L3MBTL1: variants seen among roughly 807,000 people sequenced by gnomAD.
L3MBTL1 encodes the protein lethal(3)malignant brain tumor-like protein 1.
A neutral mutation model predicts 105.3 loss-of-function variants in L3MBTL1; 75 were observed. The observed-to-expected ratio is 0.71, with a 90% CI of 0.59 to 0.86. The LOEUF is 0.86. L3MBTL1 is among the 40% of genes least tolerant of loss of function. The pLI is 0.00. For missense variants in L3MBTL1, 1,069 were observed against 1,126.4 expected (o/e 0.95, Z 0.73); for synonymous variants, 452 against 436.2 (o/e 1.04, Z -0.45).
chr20:43,528,903 G>A, intron 8 of L3MBTL1, 158 bp downstream of exon 8: 1 of 651,736 alleles, frequency 1.5e-6, no homozygotes, highest in Non-Finnish European at 2.7e-6. Context: ...GTGGAAAAGG[G>A]CCCCCCATAA....
chr20:43,534,243 T>A (rs776428408), intron 14 of L3MBTL1, 41 bp from the exon 15 acceptor site: 1 of 1,584,188 alleles, frequency 6.3e-7, no homozygotes, highest in African/African-American at 1.3e-5. Flanking sequence ...TCAGCTCTGC[T>A]GAGCTGCGCC....
chr20:43,515,259 G>A (rs1271164154), intron 5 of L3MBTL1, 33 bp from the exon 6 acceptor site: 2 of 1,611,912 alleles, frequency 1.2e-6, no homozygotes, highest in South Asian at 2.2e-5. Context: ...TGCAGGGCGG[G>A]TGGTTCTTTC....
chr20:43,526,786 A>G (rs2019056179), intron 7 of L3MBTL1, among the ~76,000 whole-genome samples: 1 of 152,214 alleles, frequency 6.6e-6, no homozygotes. Flanking sequence ...CCCCGTCTCT[A>G]CTAAAGATTT....
At chr20:43,539,998 C>T (rs2019827320) in intron 19 of L3MBTL1, 153 bp from the exon 20 acceptor site, 12 of 786,616 alleles carry the variant, frequency 1.5e-5, no homozygotes, top group South Asian at 3.0e-5. Flanking sequence ...TCAGGAGATA[C>T]GGCTCACCCT....
intron 7 of L3MBTL1, among the ~76,000 whole-genome samples, chr20:43,517,956 A>G (rs2018487761): frequency 1.3e-5 from 2 of 152,236 alleles, no homozygotes; most frequent in Admixed American, 1.3e-4. Flanking sequence ...TCTTTGGTTT[A>G]TGGCCTCTTA....
chr20:43,533,515 T>A, intron 13 of L3MBTL1, 97 bp downstream of exon 13: 1 of 1,024,272 alleles, frequency 9.8e-7, no homozygotes, highest in Non-Finnish European at 1.5e-6. Context: ...GCTGGCTCTC[T>A]AGGGTCAGGG....
chr20:43,534,819 C>G lies in L3MBTL1; in HGVS notation c.1711-9C>G. On this transcript the variant is annotated splice_polypyrimidine_tract_variant and intron_variant, in intron 15 of 21. Transcript: ENST00000418998. ...AAACGCCTGACTTCCAAGAGCCTTT[C>G]CTCCCCAGATCCACTTTGATGGCTG... 6.2e-7 allele frequency: 1 copy of G among 1,600,764 alleles called. No individual in the cohort carries two copies. Among genetic ancestry groups the G allele is most frequent in the South Asian group, 1.1e-5 (1 of 90,692 alleles).
intron 15 of L3MBTL1, 137 bp from the exon 16 acceptor site, chr20:43,534,691 A>T: frequency 1.6e-6 from 1 of 644,838 alleles, no homozygotes; most frequent in Non-Finnish European, 2.7e-6. Flanking sequence ...GCCAAGACAG[A>T]TTATTGCAGG....
intron 7 of L3MBTL1, among the ~76,000 whole-genome samples, chr20:43,518,851 C>CAAAAAAAAAAAAA (rs34529936): frequency 3.0e-5 from 1 of 33,302 alleles, no homozygotes; most frequent in Non-Finnish European, 4.5e-5. Flanking sequence ...ACTAAAAATA[C>CAAAAAAAAAAAAA]AAAAAAAAAA....
At chr20:43,535,244 A>T (rs1178509136) in intron 16 of L3MBTL1, among the ~76,000 whole-genome samples, 2 of 152,152 alleles carry the variant, frequency 1.3e-5, no homozygotes, top group African/African-American at 4.8e-5. Flanking sequence ...CATCTAGCAG[A>T]GCCACACTGA....
chr20:43,515,055 A>G lies in L3MBTL1; in HGVS notation c.549A>G (p.Pro183=), dbSNP rs1374649978. The change falls in exon 5 of 22, where the codon CCA becomes CCG. Residue 183 remains proline (P), a synonymous_variant. Coordinates refer to ENST00000418998, the MANE Select transcript of L3MBTL1 (RefSeq NM_001377303.1). ...NPPEDPNQDP[P]EDDSTCQCQA... ...CAGAAGATCCCAATCAGGACCCCCC[A>G]GAGGATGATAGCACCTGTCAGTGCC... The G allele has an allele frequency of 1.2e-6, 2 of 1,613,980 alleles. No individual in the cohort carries two copies. The highest frequency in any genetic ancestry group is 1.3e-5 in the African/African-American group (1 of 74,930).
At chr20:43,528,627 G>A in intron 7 of L3MBTL1, 30 bp from the exon 8 acceptor site, 1 of 1,560,108 alleles carries the variant, frequency 6.4e-7, no homozygotes, top group South Asian at 1.1e-5. Context: ...GAACAGCCCA[G>A]GAGTTAGCCT....
chr20:43,535,777 G>A lies in L3MBTL1; in HGVS notation c.1826-60G>A, dbSNP rs6103370. ...CTCCCCAGTGGAAACTGCTCCTTCC[G>A]TGCCCCACACTCCCCACCCCCAGGA... is the stretch of plus-strand genomic sequence containing the variant. On this transcript the variant is annotated intron_variant, in intron 16 of 21. Transcript: ENST00000418998. The A allele has an allele frequency of 1.9e-3, 2,100 of 1,113,116 alleles. 28 individuals carry two copies. The African/African-American group carries it at 0.028, about 15-fold the overall frequency. 69.0% of individuals were successfully genotyped at this position (1,113,116 alleles called of 1,614,324 possible).
intron 7 of L3MBTL1, among the ~76,000 whole-genome samples, chr20:43,525,292 A>G (rs567633689): frequency 5.6e-4 from 85 of 152,264 alleles, no homozygotes; most frequent in African/African-American, 2.0e-3. Flanking sequence ...AGTGCTATCC[A>G]AGAGCATCTG....
chr20:43,525,114 TAAAA>T (rs11086880), intron 7 of L3MBTL1, among the ~76,000 whole-genome samples: 14 of 139,272 alleles, frequency 1.0e-4, no homozygotes, highest in Non-Finnish European at 1.6e-4. Flanking sequence ...CCTGGGGAGT[TAAAA>T]AAAAAAAAAA....
intron 4 of L3MBTL1, 42 bp from the exon 5 acceptor site, chr20:43,514,967 T>A (rs2018300890): frequency 6.2e-7 from 1 of 1,601,442 alleles, no homozygotes; most frequent in African/African-American, 1.3e-5. Context: ...TGAGTGTGGC[T>A]GCGATGGGGA....
chr20:43,513,459 CTA>C lies in L3MBTL1; in HGVS notation c.-28-15_-28-14del. ...GGTCCCCACCTGATCACCCTGGGGGCTATGTTTGGCTTGTAGGCCTGCCAGGA... is the reference window on the plus strand; with the variant it reads ...GGTCCCCACCTGATCACCCTGGGGGCTGTTTGGCTTGTAGGCCTGCCAGGA... On this transcript the variant is annotated splice_polypyrimidine_tract_variant and intron_variant, in intron 1 of 21. Coordinates refer to ENST00000418998, the MANE Select transcript of L3MBTL1 (RefSeq NM_001377303.1). 1.3e-6 allele frequency: 2 copies of C among 1,544,298 alleles called. No individual in the cohort carries two copies. Among genetic ancestry groups the C allele is most frequent in the African/African-American group, 1.4e-5 (1 of 73,110 alleles).
intron 1 of L3MBTL1, among the ~76,000 whole-genome samples, chr20:43,510,408 T>TTCTTTCTTTC (rs201351301): frequency 1.3e-3 from 89 of 68,696 alleles, no homozygotes; most frequent in African/African-American, 4.3e-3. Flanking sequence ...CTTTCTTTCT[T>TTCTTTCTTTC]TTTTTTTTTT....
In L3MBTL1 at chr20:43,536,584, G is replaced by T. The variant is rs569535396; in HGVS notation, c.2173+126G>T. 39 of 1,107,970 alleles carry T rather than the reference G, an allele frequency of 3.5e-5. 1 individual carries two copies. The highest frequency in any genetic ancestry group is 4.9e-5 in the Non-Finnish European group (37 of 747,548). 68.6% of individuals were successfully genotyped at this position (1,107,970 alleles called of 1,614,324 possible). ...GCTAGAAGGAGGGCTGTGCCTCTTC[G>T]TTTGAGATACTGAGAGCACAGAGCA... On this transcript the variant is annotated intron_variant, in intron 19 of 21. Coordinates refer to ENST00000418998, the MANE Select transcript of L3MBTL1 (RefSeq NM_001377303.1).
Sources: gnomAD v4.1 joint callset for allele counts (sites outside exome capture counted in the v4.1 genomes callset) on GRCh38, gnomAD v4.1.1 for gene constraint, MANE v1.5 for transcripts, NCBI Gene and HGNC (gene_info 2026-07-23, HGNC 2026-07-21) for gene names.